The following IGSF21 variants were observed in gnomAD, a reference collection of about 807,000 sequenced individuals.
IGSF21 encodes immunoglobulin superfamily member 21.
In IGSF21, 28 loss-of-function variants were observed where a neutral mutation model predicts 46.8. The observed-to-expected ratio is 0.60, with a 90% CI of 0.44 to 0.82. The LOEUF (loss-of-function observed/expected upper bound fraction) is 0.82. Among genes scored for constraint, IGSF21 ranks in the 40% least tolerant of loss-of-function variants. The probability of loss-of-function intolerance (pLI) is 0.00; values close to 1 mark genes in which losing one functional copy is unlikely to be tolerated. For missense variants in IGSF21, 624 were observed against 665.5 expected, an observed-to-expected ratio of 0.94 and a Z score of 0.69; for synonymous variants, 284 against 273.6, an observed-to-expected ratio of 1.04 and a Z score of -0.38.
chr1:18,198,348 C>T (rs1255573757), intron 1 of IGSF21, among the ~76,000 whole-genome samples: 1 of 152,126 alleles, frequency 6.6e-6, no homozygotes, highest in Non-Finnish European at 1.5e-5. Flanking sequence ...TCCTGAGATG[C>T]CATTTATAGC....
intron 2 of IGSF21, among the ~76,000 whole-genome samples, chr1:18,265,417 ACCTCTGGGTGT>A (rs1392950097): frequency 7.2e-5 from 11 of 152,138 alleles, no homozygotes; most frequent in East Asian, 1.9e-4. Flanking sequence ...AAAAATTCTC[ACCTCTGGGTGT>A]CCTCTGGGTG....
intron 2 of IGSF21, among the ~76,000 whole-genome samples, chr1:18,275,447 C>T (rs2085091178): frequency 6.6e-6 from 1 of 152,028 alleles, no homozygotes; most frequent in Non-Finnish European, 1.5e-5. Context: ...AGAGGTGGGC[C>T]CAGCTGCCTC....
rs57346647 is a variant in IGSF21, at chr1:18,186,280, G to A, written c.71-41618G>A. ...GAAATTGTAAATCTTGCCCCCAACA[G>A]TGAGTTGCTGGATGATTGGGAAATG... On this transcript the variant is annotated intron_variant, in intron 1 of 9. Coordinates refer to ENST00000251296, the MANE Select transcript of IGSF21 (RefSeq NM_032880.5). Among the ~76,000 whole-genome samples the A allele has an allele frequency of 6.1e-3, 923 of 152,296 alleles. 17 individuals carry two copies. Among genetic ancestry groups the A allele is most frequent in the African/African-American group, 0.02 (837 of 41,560 alleles).
chr1:18,350,456 G>A (rs148736854), intron 4 of IGSF21, among the ~76,000 whole-genome samples: 1 of 152,304 alleles, frequency 6.6e-6, no homozygotes, highest in Non-Finnish European at 1.5e-5. Context: ...TTGGGAATGA[G>A]GCCTTGATCT....
intron 3 of IGSF21, among the ~76,000 whole-genome samples, chr1:18,307,937 G>C (rs531197283): frequency 2.2e-4 from 33 of 152,274 alleles, no homozygotes; most frequent in Middle Eastern, 3.4e-3. Flanking sequence ...TATTCTCCTG[G>C]ATGGAACAAT....
chr1:18,303,776 A>G (rs1435280020), intron 3 of IGSF21, among the ~76,000 whole-genome samples: 1 of 152,118 alleles, frequency 6.6e-6, no homozygotes, highest in Admixed American at 6.5e-5. Context: ...AGCAACACAG[A>G]GAGAGGTGGG....
chr1:18,299,631 A>T (rs976329853), intron 3 of IGSF21, among the ~76,000 whole-genome samples: 5 of 152,234 alleles, frequency 3.3e-5, no homozygotes, highest in African/African-American at 1.2e-4. Flanking sequence ...GCAACAACAA[A>T]CACAGGCCCT....
In IGSF21 at chr1:18,177,310, G is replaced by A. The variant is rs1239554643; in HGVS notation, c.71-50588G>A. ...GGGTCCAAGGTTTTTCCTTTGCCCC[G>A]AAAAGTCCATGCAGAGCCCTGAGCA... On this transcript the variant is annotated intron_variant, in intron 1 of 9. Transcript: ENST00000251296. Among the ~76,000 whole-genome samples, 9 of 36,012 alleles carry A rather than the reference G, an allele frequency of 2.5e-4. 1 individual carries two copies. Among genetic ancestry groups the A allele is most frequent in the Non-Finnish European group, 5.6e-4 (8 of 14,330 alleles). 23.6% of individuals were successfully genotyped at this position (36,012 alleles called of 152,430 possible). A position where few individuals can be genotyped will look rare whatever the true frequency, so the allele number is the denominator to read the frequency against.
At chr1:18,364,362 A>G (rs1050888096) in intron 5 of IGSF21, among the ~76,000 whole-genome samples, 1 of 151,906 alleles carries the variant, frequency 6.6e-6, no homozygotes, top group Non-Finnish European at 1.5e-5. Context: ...ACAAACTCCG[A>G]CAAAAATCCT....
intron 2 of IGSF21, among the ~76,000 whole-genome samples, chr1:18,273,521 GTCTT>G (rs1557618720): frequency 0.39 from 11,511 of 29,606 alleles, 1,556 homozygotes; most frequent in Middle Eastern, 0.44. Flanking sequence ...TCTTTCTTTC[GTCTT>G]TCTTTACTTT....
At chr1:18,215,349 T>C (rs2084433348) in intron 1 of IGSF21, among the ~76,000 whole-genome samples, 1 of 152,200 alleles carries the variant, frequency 6.6e-6, no homozygotes, top group African/African-American at 2.4e-5. Flanking sequence ...GAGACAGGCA[T>C]TTGGCCCGTT....
intron 1 of IGSF21, among the ~76,000 whole-genome samples, chr1:18,146,316 C>T (rs945753986): frequency 6.6e-6 from 1 of 152,136 alleles, no homozygotes. Flanking sequence ...AGGATGGTCC[C>T]TTCCTCTGCT....
intron 1 of IGSF21, among the ~76,000 whole-genome samples, chr1:18,214,225 GA>G (rs899426280): frequency 6.6e-6 from 1 of 152,198 alleles, no homozygotes; most frequent in Non-Finnish European, 1.5e-5. Context: ...GGAGATTAGA[GA>G]GGGGGAATAT....
At chr1:18,122,106 A>C (rs189386675) in intron 1 of IGSF21, among the ~76,000 whole-genome samples, 1 of 152,062 alleles carries the variant, frequency 6.6e-6, no homozygotes, top group African/African-American at 2.4e-5. Context: ...AGAGATTGCC[A>C]AAGAAACCTC....
chr1:18,286,980 G>C (rs2085217790), intron 2 of IGSF21, among the ~76,000 whole-genome samples: 1 of 151,890 alleles, frequency 6.6e-6, no homozygotes, highest in African/African-American at 2.4e-5. Flanking sequence ...AGGAGATCGA[G>C]ACCATCCCGG....
intron 3 of IGSF21, among the ~76,000 whole-genome samples, chr1:18,315,446 T>C (rs2085531211): frequency 6.6e-6 from 1 of 152,232 alleles, no homozygotes; most frequent in Admixed American, 6.5e-5. Flanking sequence ...GCAGGAATCA[T>C]GCTCATCTTG....
chr1:18,367,569 A>C (rs974495229), intron 6 of IGSF21, among the ~76,000 whole-genome samples: 1 of 141,212 alleles, frequency 7.1e-6, no homozygotes, highest in African/African-American at 2.6e-5. Flanking sequence ...CTGAAGACCC[A>C]TTACAATGGA....
At chr1:18,277,245 A>T (rs1425487535) in intron 2 of IGSF21, among the ~76,000 whole-genome samples, 1 of 151,960 alleles carries the variant, frequency 6.6e-6, no homozygotes, top group African/African-American at 2.4e-5. Context: ...TCACTCCATC[A>T]CTCTGGCCTC....
intron 1 of IGSF21, among the ~76,000 whole-genome samples, chr1:18,143,900 C>T (rs554821840): frequency 3.3e-4 from 50 of 152,210 alleles, no homozygotes; most frequent in African/African-American, 8.9e-4. Context: ...TGTGACTCCC[C>T]GATCAGACTG....
Sources: gnomAD v4.1 joint callset for allele counts (sites outside exome capture counted in the v4.1 genomes callset) on GRCh38, gnomAD v4.1.1 for gene constraint, MANE v1.5 for transcripts, NCBI Gene and HGNC (gene_info 2026-07-23, HGNC 2026-07-21) for gene names.